The following ZC2HC1B variants were observed in gnomAD, a reference collection of about 807,000 sequenced individuals.
The protein encoded by ZC2HC1B is zinc finger C2HC-type containing 1B.
Under a neutral mutation model 31.0 loss-of-function variants are expected in ZC2HC1B, and 36 were observed. That is an observed-to-expected ratio of 1.16 (90% CI 0.89 to 1.54). The LOEUF (loss-of-function observed/expected upper bound fraction) is 1.54. Ranked by LOEUF, ZC2HC1B falls within the 40% of genes most tolerant of loss-of-function variation. The pLI, the probability that ZC2HC1B is intolerant of heterozygous loss-of-function variation, is 0.00. For missense variants in ZC2HC1B, 260 were observed against 268.6 expected (o/e 0.97, Z 0.22); for synonymous variants, 73 against 88.0 (o/e 0.83, Z 0.95).
intron 4 of ZC2HC1B, among the ~76,000 whole-genome samples, chr6:143,894,585 C>T (rs552529694): frequency 1.3e-5 from 2 of 152,244 alleles, no homozygotes; most frequent in East Asian, 3.9e-4. Context: ...AGAAAATAAT[C>T]CTCATATTTG....
chr6:143,899,789 A>G lies in ZC2HC1B; in HGVS notation c.489+1098A>G, dbSNP rs966523883. 6.6e-6 allele frequency among the ~76,000 whole-genome samples: 1 copy of G among 152,206 alleles called. No individual in the cohort carries two copies. Among genetic ancestry groups the G allele is most frequent in the African/African-American group, 2.4e-5 (1 of 41,464 alleles). On this transcript the variant is annotated intron_variant, in intron 5 of 7. Coordinates refer to ENST00000237275, the MANE Select transcript of ZC2HC1B (RefSeq NM_001013623.3). This position sits in a 1 kb window ranked among gnomAD's most constrained non-coding sequence, Gnocchi z 5.0. Reference sequence around the variant, plus strand: ...GATCCTGAGCGCTATCCCCTTAAGCATTAGAAGGTTATTGACTATCAACTA... The same window carrying G: ...GATCCTGAGCGCTATCCCCTTAAGCGTTAGAAGGTTATTGACTATCAACTA...
chr6:143,873,772 A>G (rs115291940), intron 1 of ZC2HC1B, among the ~76,000 whole-genome samples: 4,836 of 152,314 alleles, frequency 0.032, 280 homozygotes, highest in African/African-American at 0.11. Context: ...CCTAGGCTGT[A>G]CATGGGTACC....
chr6:143,898,101 G>T (rs539849430), intron 4 of ZC2HC1B, among the ~76,000 whole-genome samples: 4 of 152,180 alleles, frequency 2.6e-5, no homozygotes, highest in Non-Finnish European at 4.4e-5. Context: ...TGCATGTCTT[G>T]CCCTTTGGAA....
In ZC2HC1B at chr6:143,885,576, G is replaced by A. The variant is rs762968223; in HGVS notation, c.91-456G>A. On this transcript the variant is annotated intron_variant, in intron 2 of 7. Transcript: ENST00000237275. This position sits in a 1 kb window ranked among gnomAD's most constrained non-coding sequence, Gnocchi z 4.2. The stretch of plus-strand genomic sequence containing the variant: ...TTTTGTGGGGTCTGACAAAGCTACT[G>A]TGTCAATGATGGTTATTATGTGTCA... Among the ~76,000 whole-genome samples, 47 of 152,310 alleles carry A rather than the reference G, an allele frequency of 3.1e-4. No homozygotes were observed. The highest frequency in any genetic ancestry group is 4.4e-4 in the Non-Finnish European group (30 of 68,026).
chr6:143,882,334 T>TTA (rs59777839), intron 1 of ZC2HC1B, among the ~76,000 whole-genome samples: 4,176 of 85,466 alleles, frequency 0.049, 101 homozygotes, highest in Middle Eastern at 0.056. Context: ...TTTATATTTT[T>TTA]TATATATATA....
At chr6:143,932,786 A>G (rs1040783837) in intron 6 of ZC2HC1B, among the ~76,000 whole-genome samples, 1 of 152,056 alleles carries the variant, frequency 6.6e-6, no homozygotes, top group African/African-American at 2.4e-5. Flanking sequence ...ATTTGGATAC[A>G]CTATTTCAGT....
In ZC2HC1B at chr6:143,934,684, G is replaced by A. The variant is rs984937559; in HGVS notation, c.599-2965G>A. Among the ~76,000 whole-genome samples the A allele has an allele frequency of 2.0e-5, 3 of 152,194 alleles. No homozygotes were observed. Among genetic ancestry groups the A allele is most frequent in the African/African-American group, 4.8e-5 (2 of 41,436 alleles). On this transcript the variant is annotated intron_variant, in intron 6 of 7. Transcript: ENST00000237275. This position sits in a 1 kb window ranked among gnomAD's most constrained non-coding sequence, Gnocchi z 4.6. Reference sequence around the variant, plus strand: ...TGATACTGGAGCATACAGTAATTGCGTGTCCATGATTTTTTGGCTGTAATT... The same window carrying A: ...TGATACTGGAGCATACAGTAATTGCATGTCCATGATTTTTTGGCTGTAATT...
rs1777652367 is a variant in ZC2HC1B at position 143,895,290 on chromosome 6, GT to G, written c.350-3261del. Among the ~76,000 whole-genome samples the G allele has an allele frequency of 6.6e-6, 1 of 152,124 alleles. No individual in the cohort carries two copies. Among genetic ancestry groups the G allele is most frequent in the Non-Finnish European group, 1.5e-5 (1 of 68,016 alleles). Reference sequence around the variant, plus strand: ...CAATTCTCCTGTTTCAGCCTCCTGAGTAGCTGGGATTACAGGCGCCCGCCAC... The same window carrying G: ...CAATTCTCCTGTTTCAGCCTCCTGAGAGCTGGGATTACAGGCGCCCGCCAC... On this transcript the variant is annotated intron_variant, in intron 4 of 7. Coordinates refer to ENST00000237275, the MANE Select transcript of ZC2HC1B (RefSeq NM_001013623.3). This position sits in a 1 kb window ranked among gnomAD's most constrained non-coding sequence, Gnocchi z 4.8.
At chr6:143,880,922 T>C (rs1268923805) in intron 1 of ZC2HC1B, among the ~76,000 whole-genome samples, 1 of 152,212 alleles carries the variant, frequency 6.6e-6, no homozygotes, top group Admixed American at 6.5e-5. Flanking sequence ...TAAATAACTA[T>C]AGTACAATAT....
intron 6 of ZC2HC1B, among the ~76,000 whole-genome samples, chr6:143,907,552 A>G (rs777632180): frequency 1.3e-5 from 2 of 152,094 alleles, no homozygotes; most frequent in Non-Finnish European, 2.9e-5. Flanking sequence ...CTCTTTTCAT[A>G]TGTTTGTTGG....
chr6:143,865,638 G>A lies in ZC2HC1B; in HGVS notation c.28+1071G>A, dbSNP rs192373335. 5.5e-3 allele frequency among the ~76,000 whole-genome samples: 838 copies of A among 152,262 alleles called. 9 individuals are homozygous for A. The highest frequency in any genetic ancestry group is 0.019 in the African/African-American group (792 of 41,536). On this transcript the variant is annotated intron_variant, in intron 1 of 7. Transcript: ENST00000237275. The surrounding 1 kb of genome is among the most constrained non-coding windows in gnomAD (Gnocchi z 4.4). The stretch of plus-strand genomic sequence containing the variant: ...TTGCTTTATCCTTAGGTCTGGAAGG[G>A]TGCCTGGCATTCAGTATACAGTCAC...
At chr6:143,898,853 G>C (rs1777703389) in intron 5 of ZC2HC1B, among the ~76,000 whole-genome samples, 162 bp downstream of exon 5, 1 of 152,208 alleles carries the variant, frequency 6.6e-6, no homozygotes, top group Non-Finnish European at 1.5e-5. Context: ...TCTTTTGCAG[G>C]AGAATGCTTT....
At chr6:143,919,301 G>T (rs540289177) in intron 6 of ZC2HC1B, among the ~76,000 whole-genome samples, 1 of 150,614 alleles carries the variant, frequency 6.6e-6, no homozygotes, top group Admixed American at 6.6e-5. Flanking sequence ...TCAGTCTTAG[G>T]TGTCAACTTA....
At chr6:143,907,496 CAT>C (rs1274017308) in intron 6 of ZC2HC1B, among the ~76,000 whole-genome samples, 3 of 152,134 alleles carry the variant, frequency 2.0e-5, no homozygotes, top group Non-Finnish European at 2.9e-5. Context: ...GATGGTATCT[CAT>C]TGTGGTTTTG....
intron 6 of ZC2HC1B, among the ~76,000 whole-genome samples, chr6:143,916,158 C>G (rs1026195372): frequency 6.6e-6 from 1 of 152,192 alleles, no homozygotes; most frequent in African/African-American, 2.4e-5. Context: ...CCCAGCTGCT[C>G]CAGCCCTGAC....
In ZC2HC1B at chr6:143,911,017, T is replaced by G. The variant is rs942602124; in HGVS notation, c.598+7865T>G. On this transcript the variant is annotated intron_variant, in intron 6 of 7. Transcript: ENST00000237275. This position sits in a 1 kb window ranked among gnomAD's most constrained non-coding sequence, Gnocchi z 4.5. ...ATTCACCTGCCTCGGCCTCCCAAAG[T>G]GCTAGGATTACAGGCATGAGCCACT... is the stretch of plus-strand genomic sequence containing the variant. Among the ~76,000 whole-genome samples the G allele has an allele frequency of 1.4e-4, 22 of 152,342 alleles. No homozygotes were observed. Among genetic ancestry groups the G allele is most frequent in the African/African-American group, 5.3e-4 (22 of 41,582 alleles).
At chr6:143,894,978 A>G (rs4896685) in intron 4 of ZC2HC1B, among the ~76,000 whole-genome samples, 4,243 of 152,312 alleles carry the variant, frequency 0.028, 112 homozygotes, top group Admixed American at 0.075. Context: ...TTGTATTTCT[A>G]TGCTAACACA....
intron 4 of ZC2HC1B, among the ~76,000 whole-genome samples, chr6:143,892,144 A>G (rs1044606241): frequency 2.0e-5 from 3 of 152,146 alleles, no homozygotes; most frequent in Admixed American, 2.0e-4. Context: ...ACAGTTCTGC[A>G]GGTTGTACAA....
In ZC2HC1B at chr6:143,888,251, A is replaced by G. The variant is rs138345321; in HGVS notation, c.349+1430A>G. Among the ~76,000 whole-genome samples the G allele has an allele frequency of 4.7e-3, 711 of 152,052 alleles. 2 individuals carry two copies. Among genetic ancestry groups the G allele is most frequent in the African/African-American group, 0.016 (681 of 41,512 alleles). On this transcript the variant is annotated intron_variant, in intron 4 of 7. Coordinates refer to ENST00000237275, the MANE Select transcript of ZC2HC1B (RefSeq NM_001013623.3). ...ATTCCTGGGCTCTCTGTTCTATTCC[A>G]TTGGTCTATATGTCTGTCTTTACAC...
Sources: gnomAD v4.1 joint callset for allele counts (sites outside exome capture counted in the v4.1 genomes callset) on GRCh38, gnomAD v4.1.1 for gene constraint, Gnocchi (gnomAD v3.1) non-coding constraint, MANE v1.5 for transcripts, NCBI Gene and HGNC (gene_info 2026-07-23, HGNC 2026-07-21) for gene names.